Variants in CSMD1 observed in about 807,000 individuals in gnomAD.
The protein encoded by CSMD1 is CUB and sushi domain-containing protein 1.
Under a neutral mutation model 417.5 loss-of-function variants are expected in CSMD1, and 213 were observed. That is an observed-to-expected ratio of 0.51 (90% CI 0.46 to 0.57). CSMD1 has a LOEUF of 0.57. Among genes scored for constraint, CSMD1 ranks in the 20% least tolerant of loss-of-function variants. The pLI is 0.00. For synonymous variants in CSMD1, 2,862 were observed against 1,736.8 expected (o/e 1.65, Z -16.11); for missense variants, 6,923 against 4,529.7 (o/e 1.53, Z -15.17).
At chr8:4,078,664 G>GA (rs1478527166) in intron 3 of CSMD1, among the ~76,000 whole-genome samples, 4 of 149,878 alleles carry the variant, frequency 2.7e-5, no homozygotes, top group Non-Finnish European at 5.9e-5. Flanking sequence ...ATCCTTTTGA[G>GA]AAAAAACTTG....
intron 11 of CSMD1, among the ~76,000 whole-genome samples, chr8:3,477,788 G>A (rs1473777336): frequency 6.6e-6 from 1 of 152,116 alleles, no homozygotes; most frequent in African/African-American, 2.4e-5. Flanking sequence ...AGCAAGTAAA[G>A]TGAGTTACAC....
intron 3 of CSMD1, among the ~76,000 whole-genome samples, chr8:4,205,710 A>G (rs2131269539): frequency 7.9e-6 from 1 of 126,544 alleles, no homozygotes; most frequent in Non-Finnish European, 1.7e-5. Flanking sequence ...ACCAAATAAT[A>G]GAGGTTTATT....
chr8:3,136,101 C>A (rs191973653), intron 41 of CSMD1, among the ~76,000 whole-genome samples: 34 of 152,222 alleles, frequency 2.2e-4, no homozygotes, highest in African/African-American at 7.5e-4. Context: ...TTTGTCCCCC[C>A]CTCATGCATT....
intron 42 of CSMD1, among the ~76,000 whole-genome samples, chr8:3,115,525 T>G (rs17318682): frequency 0.06 from 9,174 of 152,224 alleles, 400 homozygotes; most frequent in Non-Finnish European, 0.092. Flanking sequence ...TTTTTTTAAT[T>G]TTTTAACTGA....
rs78595166 is a variant in CSMD1, at chr8:4,094,822, T to C, written c.416-62723A>G. On this transcript the variant is annotated intron_variant, in intron 3 of 69. Coordinates refer to ENST00000635120, the MANE Select transcript of CSMD1 (RefSeq NM_033225.6). Reference sequence around the variant, plus strand: ...ACAGGCCTGCCAGGGAGCAAACGCTTATCAAGGAAATAAAGGTGAAGCATA... The same window carrying C: ...ACAGGCCTGCCAGGGAGCAAACGCTCATCAAGGAAATAAAGGTGAAGCATA... 5.4e-3 allele frequency among the ~76,000 whole-genome samples: 817 copies of C among 152,270 alleles called. 6 individuals are homozygous for C. Among genetic ancestry groups the C allele is most frequent in the African/African-American group, 0.019 (779 of 41,558 alleles).
In CSMD1 at chr8:4,776,600, T is replaced by A. The variant is rs73177591; in HGVS notation, c.86-139042A>T. Among the ~76,000 whole-genome samples the A allele has an allele frequency of 4.1e-3, 627 of 152,282 alleles. 4 individuals carry two copies. Among genetic ancestry groups the A allele is most frequent in the Non-Finnish European group, 6.2e-3 (423 of 68,032 alleles). On this transcript the variant is annotated intron_variant, in intron 1 of 69. Transcript: ENST00000635120. ...CTTCTGCATAAACGTTCGCGTTCAA[T>A]GATACCTCCAGGTACTATCACATAG...
intron 3 of CSMD1, among the ~76,000 whole-genome samples, chr8:4,173,355 G>C (rs1246101076): frequency 2.0e-5 from 3 of 152,106 alleles, no homozygotes; most frequent in Admixed American, 1.3e-4. Context: ...TCAGTATGTG[G>C]TGATGCTGAA....
In CSMD1 at chr8:3,162,242, G is replaced by A; in HGVS notation, c.5761C>T (p.Pro1921Ser). The A allele has an allele frequency of 1.2e-6, 2 of 1,610,912 alleles. No homozygotes were observed. Among genetic ancestry groups the A allele is most frequent in the South Asian group, 1.1e-5 (1 of 89,996 alleles). ...GLAACQEPAL[P>S]SNSIKIGDRY... Reference sequence around the variant, plus strand: ...TCTCCGATTTTGATGCTGTTGCTGGGGAGGGCTGGTTCTTGGCATGCAGCA... The same window carrying A: ...TCTCCGATTTTGATGCTGTTGCTGGAGAGGGCTGGTTCTTGGCATGCAGCA... Residue 1921 changes from proline (P) to serine (S), a missense_variant, in exon 38 of 70, where the codon CCC (proline) becomes TCC (serine). Pro to Ser is a moderately conservative substitution (Grantham distance 74). Coordinates refer to ENST00000635120, the MANE Select transcript of CSMD1 (RefSeq NM_033225.6).
At chr8:3,861,209 C>A (rs539476475) in intron 5 of CSMD1, among the ~76,000 whole-genome samples, 34 of 152,270 alleles carry the variant, frequency 2.2e-4, no homozygotes, top group African/African-American at 8.2e-4. Context: ...GTTCAGTTGT[C>A]TAATGTGATT....
At chr8:4,792,631 T>G (rs990809816) in intron 1 of CSMD1, among the ~76,000 whole-genome samples, 4 of 152,194 alleles carry the variant, frequency 2.6e-5, no homozygotes, top group Admixed American at 1.3e-4. Context: ...TTTAGACTAC[T>G]GTTTTCTAAT....
At chr8:4,462,912 C>A (rs1056467462) in intron 2 of CSMD1, among the ~76,000 whole-genome samples, 1 of 152,080 alleles carries the variant, frequency 6.6e-6, no homozygotes, top group Non-Finnish European at 1.5e-5. Flanking sequence ...TAAGCAAAGT[C>A]TTCTTAGATA....
chr8:4,058,830 C>T (rs1036408869), intron 3 of CSMD1, among the ~76,000 whole-genome samples: 1 of 151,548 alleles, frequency 6.6e-6, no homozygotes, highest in Non-Finnish European at 1.5e-5. Flanking sequence ...TAGACTCCCA[C>T]ACAATAATAA....
chr8:4,217,182 G>A lies in CSMD1; in HGVS notation c.416-185083C>T, dbSNP rs549607941. Among the ~76,000 whole-genome samples, 96 of 152,278 alleles carry A rather than the reference G, an allele frequency of 6.3e-4. No homozygotes were observed. The Middle Eastern group carries it at 0.01, about 16-fold the overall frequency. ...ACTACTGAATACTTTTCATGCCGCT[G>A]CTTATCATGCAAAGTTATAGCTAGC... is the stretch of plus-strand genomic sequence containing the variant. On this transcript the variant is annotated intron_variant, in intron 3 of 69. Coordinates refer to ENST00000635120, the MANE Select transcript of CSMD1 (RefSeq NM_033225.6).
intron 3 of CSMD1, among the ~76,000 whole-genome samples, chr8:4,408,085 A>G (rs750811606): frequency 5.3e-4 from 81 of 152,304 alleles, no homozygotes; most frequent in Non-Finnish European, 8.7e-4. Flanking sequence ...ATTTAAAAGC[A>G]TGCTTCACAA....
intron 10 of CSMD1, among the ~76,000 whole-genome samples, chr8:3,523,290 A>C (rs1252875454): frequency 6.6e-6 from 1 of 152,184 alleles, no homozygotes; most frequent in Admixed American, 6.5e-5. Context: ...AGAATAACCT[A>C]TTTCTGTAAT....
chr8:3,482,066 G>T (rs1437249269), intron 11 of CSMD1, among the ~76,000 whole-genome samples: 3 of 152,052 alleles, frequency 2.0e-5, no homozygotes, highest in South Asian at 2.1e-4. Context: ...AACAGGTTAA[G>T]ATAAAATTAA....
At chr8:4,434,985 T>C (rs1238512822) in intron 2 of CSMD1, among the ~76,000 whole-genome samples, 1 of 152,230 alleles carries the variant, frequency 6.6e-6, no homozygotes, top group Non-Finnish European at 1.5e-5. Context: ...ATCTAACTCA[T>C]ATTTTGCATA....
intron 30 of CSMD1, among the ~76,000 whole-genome samples, chr8:3,206,706 G>C (rs772200124): frequency 3.3e-5 from 5 of 151,608 alleles, no homozygotes; most frequent in Admixed American, 6.6e-5. Flanking sequence ...GGGGGGTTAT[G>C]TCTGTGTGAA....
At chr8:4,296,336 T>G (rs1355599817) in intron 3 of CSMD1, among the ~76,000 whole-genome samples, 1 of 152,154 alleles carries the variant, frequency 6.6e-6, no homozygotes, top group Non-Finnish European at 1.5e-5. Flanking sequence ...GTTCAGGGAT[T>G]ATGCACTATA....
Sources: gnomAD v4.1 joint callset for allele counts (sites outside exome capture counted in the v4.1 genomes callset) on GRCh38, gnomAD v4.1.1 for gene constraint, MANE v1.5 for transcripts, NCBI Gene and HGNC (gene_info 2026-07-23, HGNC 2026-07-21) for gene names.